TFDP1: variants seen among roughly 807,000 people sequenced by gnomAD.
TFDP1 encodes transcription factor Dp-1.
A neutral mutation model predicts 48.0 loss-of-function variants in TFDP1; 6 were observed. The observed-to-expected ratio is 0.13, with a 90% CI of 0.07 to 0.25. TFDP1 has a LOEUF of 0.25. Among genes scored for constraint, TFDP1 ranks in the 10% least tolerant of loss-of-function variants. TFDP1 has a pLI of 1.00. For synonymous variants in TFDP1, 201 were observed against 211.6 expected (o/e 0.95, Z 0.44); for missense variants, 335 against 543.0 (o/e 0.62, Z 3.81).
intron 2 of TFDP1, among the ~76,000 whole-genome samples, chr13:113,593,284 C>T (rs2048193680): frequency 6.9e-6 from 1 of 144,074 alleles, no homozygotes; most frequent in Non-Finnish European, 1.5e-5. Context: ...GCGTGTGGGT[C>T]CTCAGCCCTG....
chr13:113,585,092 C>T (rs1208161775), intron 1 of TFDP1, among the ~76,000 whole-genome samples: 1 of 146,440 alleles, frequency 6.8e-6, no homozygotes, highest in Non-Finnish European at 1.5e-5. Context: ...GACCGCGGGG[C>T]GGGGGTCCCG....
chr13:113,634,714 G>A, intron 8 of TFDP1, 112 bp downstream of exon 8: 1 of 773,616 alleles, frequency 1.3e-6, no homozygotes, highest in Non-Finnish European at 2.1e-6. Flanking sequence ...TCAAATGACT[G>A]CTCTAAGATT....
chr13:113,636,280 C>T (rs1353002817), intron 9 of TFDP1, 152 bp downstream of exon 9: 4 of 1,174,968 alleles, frequency 3.4e-6, no homozygotes, highest in African/African-American at 1.5e-5. Flanking sequence ...TGGGAGGCTG[C>T]CGCCATGTGG....
intron 3 of TFDP1, among the ~76,000 whole-genome samples, chr13:113,613,759 C>A (rs111206038): frequency 6.7e-6 from 1 of 149,532 alleles, no homozygotes; most frequent in African/African-American, 2.5e-5. Context: ...TGCGTGAATG[C>A]GTGGGTGTGT....
At chr13:113,605,342 G>A (rs1308061276) in intron 2 of TFDP1, among the ~76,000 whole-genome samples, 1 of 149,830 alleles carries the variant, frequency 6.7e-6, no homozygotes, top group Non-Finnish European at 1.5e-5. Context: ...TAAATTCAGT[G>A]ACGACCTGGT....
intron 3 of TFDP1, among the ~76,000 whole-genome samples, chr13:113,615,789 A>G (rs1344566375): frequency 6.6e-6 from 1 of 152,126 alleles, no homozygotes; most frequent in Non-Finnish European, 1.5e-5. Flanking sequence ...ATGTCTATAG[A>G]TAGTCCCAGC....
intron 2 of TFDP1, among the ~76,000 whole-genome samples, chr13:113,601,114 T>C (rs2048414684): frequency 6.6e-6 from 1 of 152,178 alleles, no homozygotes; most frequent in African/African-American, 2.4e-5. Context: ...GGTGGCACCA[T>C]CTCCTCTTGC....
At position 113,641,365 on chromosome 13, in the gene TFDP1, AACTTTTCTGT is replaced by A. The variant is rs773647283; in HGVS notation, c.*1100_*1109del. 4 of 152,228 alleles carry A rather than the reference AACTTTTCTGT, an allele frequency of 2.6e-5. No individual in the cohort carries two copies. Among genetic ancestry groups the A allele is most frequent in the Non-Finnish European group, 5.9e-5 (4 of 68,036 alleles). The allele number at this position is 152,228 out of a possible 1,614,324, so 9.4% of individuals were successfully genotyped here. On this transcript the variant is annotated 3_prime_UTR_variant, in exon 12 of 12. Coordinates refer to ENST00000375370, the MANE Select transcript of TFDP1 (RefSeq NM_007111.5). ...TAGTCTTTTTATTGAAACACAAATA[AACTTTTCTGT>A]AATATTTTATGGTATATAAAGAGAC...
intron 2 of TFDP1, among the ~76,000 whole-genome samples, chr13:113,591,009 CAAAAAAAA>C (rs71101595): frequency 8.4e-5 from 5 of 59,858 alleles, no homozygotes; most frequent in African/African-American, 2.8e-4. Context: ...GACTCTGTCT[CAAAAAAAA>C]AAAAAAAAAA....
chr13:113,632,051 C>T, intron 5 of TFDP1: 1 of 390,148 alleles, frequency 2.6e-6, no homozygotes. Context: ...GTACTCGCCA[C>T]AGGACCTCGG....
chr13:113,610,723 A>G (rs1393752352), intron 2 of TFDP1, among the ~76,000 whole-genome samples: 1 of 152,198 alleles, frequency 6.6e-6, no homozygotes, highest in Non-Finnish European at 1.5e-5. Context: ...CATCATTACA[A>G]TCTTGATTTT....
At chr13:113,636,426 C>T (rs976929692) in intron 9 of TFDP1, 108 bp from the exon 10 acceptor site, 14 of 1,270,456 alleles carry the variant, frequency 1.1e-5, no homozygotes, top group East Asian at 9.3e-5. Context: ...GACTGGGAAC[C>T]GGGAAGCTGT....
intron 2 of TFDP1, chr13:113,586,118 C>A: frequency 2.7e-6 from 1 of 366,780 alleles, no homozygotes; most frequent in Non-Finnish European, 4.9e-6. Flanking sequence ...TTATCTTTAC[C>A]GACTGTGTTA....
At chr13:113,614,713 A>G (rs762723313) in intron 3 of TFDP1, among the ~76,000 whole-genome samples, 5 of 152,148 alleles carry the variant, frequency 3.3e-5, no homozygotes, top group Non-Finnish European at 7.4e-5. Context: ...GCCTGTGTCC[A>G]GTTCCCCACT....
At chr13:113,585,482 T>G in intron 1 of TFDP1, 1 of 195,122 alleles carries the variant, frequency 5.1e-6, no homozygotes, top group Non-Finnish European at 1.0e-5. Context: ...GCGCCCTGGC[T>G]CCTGGGGCTC....
chr13:113,636,266 G>T, intron 9 of TFDP1, 138 bp downstream of exon 9: 18 of 1,252,040 alleles, frequency 1.4e-5, no homozygotes, highest in Non-Finnish European at 2.0e-5. Flanking sequence ...CCATTGGGGG[G>T]TGGTGGGAGG....
chr13:113,625,320 T>C (rs1473276205), intron 4 of TFDP1, among the ~76,000 whole-genome samples: 5 of 78,836 alleles, frequency 6.3e-5, no homozygotes, highest in African/African-American at 2.5e-4. Flanking sequence ...CCTCACGTGT[T>C]TCTCAGGCGT....
intron 8 of TFDP1, among the ~76,000 whole-genome samples, chr13:113,634,948 T>C (rs769510290): frequency 3.3e-5 from 5 of 152,192 alleles, no homozygotes; most frequent in Non-Finnish European, 5.9e-5. Flanking sequence ...CATGTGTATG[T>C]GTGTATCTCT....
intron 8 of TFDP1, among the ~76,000 whole-genome samples, chr13:113,634,857 G>A (rs377587734): frequency 1.8e-4 from 28 of 151,462 alleles, no homozygotes; most frequent in South Asian, 4.2e-4. Flanking sequence ...GCCTGTGTGC[G>A]TGCGTGCGTG....
Sources: allele counts gnomAD v4.1 joint callset (sites outside exome capture counted in the v4.1 genomes callset), GRCh38; gene constraint gnomAD v4.1.1; transcripts MANE v1.5; gene names NCBI Gene and HGNC (gene_info 2026-07-23, HGNC 2026-07-21).